The following SORL1 variants were observed in gnomAD, a reference collection of about 807,000 sequenced individuals.
SORL1 encodes the protein sortilin-related receptor.
Under a neutral mutation model 273.7 loss-of-function variants are expected in SORL1, and 127 were observed. The ratio of observed to expected loss-of-function variants is 0.46; its 90% confidence interval spans 0.40 to 0.54. The LOEUF (loss-of-function observed/expected upper bound fraction) is 0.54. Ranked by LOEUF, SORL1 falls within the 20% of genes least tolerant of loss-of-function variation. SORL1 has a pLI of 0.00. For missense variants in SORL1, 2,494 were observed against 2,846.1 expected (o/e 0.88, Z 2.81); for synonymous variants, 1,031 against 1,067.4 (o/e 0.97, Z 0.66).
At chr11:121,522,739 C>T in intron 10 of SORL1, 36 bp downstream of exon 10, 1 of 1,546,312 alleles carries the variant, frequency 6.5e-7, no homozygotes, top group Non-Finnish European at 8.9e-7. Context: ...AGGGGTTCAG[C>T]TGTCTGGTGA....
chr11:121,568,237 G>A (rs1251156142), intron 22 of SORL1, among the ~76,000 whole-genome samples: 1 of 152,144 alleles, frequency 6.6e-6, no homozygotes, highest in Non-Finnish European at 1.5e-5. Flanking sequence ...CAAGTCCAAG[G>A]CAGTGAAACA....
chr11:121,480,298 T>C (rs1861352510), intron 3 of SORL1, among the ~76,000 whole-genome samples: 1 of 152,170 alleles, frequency 6.6e-6, no homozygotes, highest in Non-Finnish European at 1.5e-5. Context: ...CATATAATAG[T>C]ATGTCTATTT....
At chr11:121,608,341 A>C in intron 38 of SORL1, 165 bp downstream of exon 38, 1 of 610,716 alleles carries the variant, frequency 1.6e-6, no homozygotes, top group Admixed American at 3.0e-5. Flanking sequence ...AGTGCTTTAG[A>C]TAGAGTCTTT....
chr11:121,629,538 A>G lies in SORL1; in HGVS notation c.6620A>G (p.Asp2207Gly), dbSNP rs1379473559. The stretch of plus-strand genomic sequence containing the variant: ...GCCCCTATGATAACTGGATTTTCAG[A>G]TGACGTCCCCATGGTGATAGCCTGA... ...EDAPMITGFSDDVPMVIA is the reference protein window; with the variant it reads ...EDAPMITGFSGDVPMVIA The change falls in exon 48 of 48, where the codon GAT becomes GGT. Residue 2207 changes from aspartate (D) to glycine (G), a missense_variant. Coordinates refer to ENST00000260197, the MANE Select transcript of SORL1 (RefSeq NM_003105.6). 24 of 1,579,634 alleles carry G rather than the reference A, an allele frequency of 1.5e-5. No individual in the cohort carries two copies. The highest frequency in any genetic ancestry group is 1.8e-5 in the Non-Finnish European group (21 of 1,148,620).
In SORL1 at chr11:121,577,004, C is replaced by G. The variant is rs770495427; in HGVS notation, c.3461-277C>G. The G allele has an allele frequency of 2.1e-6, 3 of 1,422,952 alleles. No individual in the cohort carries two copies. The South Asian group carries it at 3.7e-5, about 17-fold the overall frequency. The allele number at this position is 1,422,952 out of a possible 1,614,324, so 88.1% of individuals were successfully genotyped here. On this transcript the variant is annotated intron_variant, in intron 24 of 47. Transcript: ENST00000260197. Reference sequence around the variant, plus strand: ...TAGAAAATAATATATGTGGAGAGCACTGGGATGAATGGACAAGGATGCTGT... The same window carrying G: ...TAGAAAATAATATATGTGGAGAGCAGTGGGATGAATGGACAAGGATGCTGT...
chr11:121,548,631 A>G (rs540162190), intron 14 of SORL1, among the ~76,000 whole-genome samples: 6 of 152,262 alleles, frequency 3.9e-5, no homozygotes, highest in South Asian at 4.1e-4. Context: ...CAGTGGTGCA[A>G]TCTTGGCTCA....
chr11:121,629,190 C>T, intron 47 of SORL1: 1 of 362,188 alleles, frequency 2.8e-6, no homozygotes, highest in African/African-American at 2.0e-5. Context: ...GGAACCCAAA[C>T]TACCCACTTA....
intron 47 of SORL1, chr11:121,628,957 G>A (rs1409783797): frequency 1.3e-5 from 2 of 153,458 alleles, no homozygotes; most frequent in Non-Finnish European, 2.9e-5. Flanking sequence ...CAACAGGAGT[G>A]GACCCATCAG....
intron 6 of SORL1, among the ~76,000 whole-genome samples, chr11:121,507,383 G>T (rs138949090): frequency 2.2e-3 from 341 of 152,064 alleles, no homozygotes; most frequent in Non-Finnish European, 4.2e-3. Context: ...CTCTCATCTC[G>T]TCAGTGACTT....
rs537607527 is a variant in SORL1 at position 121,576,730 on chromosome 11, G to A, written c.3461-551G>A. ...AGGCCCCCACCCTTCTAGAGACAGC[G>A]CATCCACCCGTGTCCCTGGAGCTCT... is the stretch of plus-strand genomic sequence containing the variant. On this transcript the variant is annotated intron_variant, in intron 24 of 47. Transcript: ENST00000260197. 91 of 1,448,374 alleles carry A rather than the reference G, an allele frequency of 6.3e-5. No homozygotes were observed. In the East Asian group the frequency reaches 6.5e-4, roughly 10 times the overall value. The allele number at this position is 1,448,374 out of a possible 1,614,324, so 89.7% of individuals were successfully genotyped here. A position where few individuals can be genotyped will look rare whatever the true frequency, so the allele number is the denominator to read the frequency against.
intron 1 of SORL1, among the ~76,000 whole-genome samples, chr11:121,458,578 A>G (rs1470573277): frequency 6.6e-6 from 1 of 152,144 alleles, no homozygotes; most frequent in Non-Finnish European, 1.5e-5. Flanking sequence ...TTTTCTAGGT[A>G]TGCCAGACAC....
intron 1 of SORL1, among the ~76,000 whole-genome samples, chr11:121,456,816 A>T (rs1322808836): frequency 2.6e-5 from 4 of 152,202 alleles, no homozygotes; most frequent in Non-Finnish European, 5.9e-5. Flanking sequence ...GAGACTGAAA[A>T]TAAAGTGTCT....
intron 12 of SORL1, among the ~76,000 whole-genome samples, chr11:121,540,752 G>C (rs1445559549): frequency 6.6e-6 from 1 of 152,182 alleles, no homozygotes; most frequent in Non-Finnish European, 1.5e-5. Context: ...TCATGTACCT[G>C]CTTGTTATTT....
rs1346305336 is a variant in SORL1, at chr11:121,542,051, A to C, written c.1686-1497A>C. 2.0e-5 allele frequency among the ~76,000 whole-genome samples: 3 copies of C among 152,192 alleles called. No individual in the cohort carries two copies. The East Asian group carries it at 5.8e-4, about 29-fold the overall frequency. On this transcript the variant is annotated intron_variant, in intron 12 of 47. Coordinates refer to ENST00000260197, the MANE Select transcript of SORL1 (RefSeq NM_003105.6). ...TTGTTAGCATTTGCCGGTTTGCTCT[A>C]CTTCTATCATTGGTCTATTTATCTA...
rs573491449 is a variant in SORL1 at position 121,497,411 on chromosome 11, C to T, written c.939+362C>T. Among the ~76,000 whole-genome samples the T allele has an allele frequency of 2.6e-5, 4 of 152,290 alleles. No homozygotes were observed. The East Asian group carries it at 5.8e-4, about 22-fold the overall frequency. The stretch of plus-strand genomic sequence containing the variant: ...GGCTCAGTGGCTTCTTTCCTTTAAT[C>T]CCACTGCCTGATTTCCTTTAAACTT... On this transcript the variant is annotated intron_variant, in intron 6 of 47. Coordinates refer to ENST00000260197, the MANE Select transcript of SORL1 (RefSeq NM_003105.6).
At chr11:121,561,345 G>A (rs1182794283) in intron 21 of SORL1, among the ~76,000 whole-genome samples, 2 of 152,200 alleles carry the variant, frequency 1.3e-5, no homozygotes, top group Non-Finnish European at 2.9e-5. Flanking sequence ...CAGTGCGGGA[G>A]GAGAGAGTTT....
At chr11:121,534,991 T>C (rs1345161989) in intron 12 of SORL1, among the ~76,000 whole-genome samples, 3 of 152,248 alleles carry the variant, frequency 2.0e-5, no homozygotes, top group African/African-American at 7.2e-5. Flanking sequence ...GTAAGGTCTT[T>C]GTAGGTAAAT....
chr11:121,549,059 C>T (rs1287859410), intron 14 of SORL1, among the ~76,000 whole-genome samples: 1 of 152,190 alleles, frequency 6.6e-6, no homozygotes, highest in Non-Finnish European at 1.5e-5. Flanking sequence ...TCGACTGAGG[C>T]CTCCTGCTTC....
In SORL1 at chr11:121,622,820, G is replaced by A. The variant is rs373767291; in HGVS notation, c.6171+552G>A. 6.6e-5 allele frequency among the ~76,000 whole-genome samples: 10 copies of A among 152,380 alleles called. No individual in the cohort carries two copies. In the East Asian group the frequency reaches 1.2e-3, roughly 18 times the overall value. On this transcript the variant is annotated intron_variant, in intron 45 of 47. Transcript: ENST00000260197. The stretch of plus-strand genomic sequence containing the variant: ...ATTCACAGCAAAAGACAGGGGAAGA[G>A]GAGTGAGACCTGGGAGTAGATTTAC...
Sources: allele counts gnomAD v4.1 joint callset (sites outside exome capture counted in the v4.1 genomes callset), GRCh38; gene constraint gnomAD v4.1.1; transcripts MANE v1.5; gene names NCBI Gene and HGNC (gene_info 2026-07-23, HGNC 2026-07-21).